Variants in BIN1 observed in about 807,000 individuals in gnomAD.
BIN1 encodes the protein bridging integrator 1, also known as myc box-dependent-interacting protein 1.
A neutral mutation model predicts 82.0 loss-of-function variants in BIN1; 53 were observed. That is an observed-to-expected ratio of 0.65 (90% CI 0.52 to 0.81). The LOEUF (loss-of-function observed/expected upper bound fraction) is 0.81. Ranked by LOEUF, BIN1 falls within the 40% of genes least tolerant of loss-of-function variation. The pLI is 0.00. For missense variants in BIN1, 642 were observed against 784.4 expected (o/e 0.82, Z 2.17); for synonymous variants, 302 against 328.0 (o/e 0.92, Z 0.86).
At chr2:127,076,316 G>A (rs991385787) in intron 2 of BIN1, among the ~76,000 whole-genome samples, 16 of 151,988 alleles carry the variant, frequency 1.1e-4, no homozygotes, top group African/African-American at 3.9e-4. Context: ...ACTTGCCCCT[G>A]ACATGCAAAG....
intron 12 of BIN1, chr2:127,054,264 C>T (rs776232508): frequency 1.1e-5 from 6 of 535,778 alleles, no homozygotes; most frequent in Middle Eastern, 5.0e-4. Context: ...ACCAGGAGGA[C>T]GACCCCAGTG....
At chr2:127,052,882 G>A (rs138735573) in intron 14 of BIN1, 1 of 243,992 alleles carries the variant, frequency 4.1e-6, no homozygotes, top group African/African-American at 2.2e-5. Flanking sequence ...GCTATCAGGT[G>A]ACAGTGACAT....
chr2:127,072,298 C>T (rs180937337), intron 2 of BIN1, among the ~76,000 whole-genome samples: 17 of 152,358 alleles, frequency 1.1e-4, no homozygotes, highest in East Asian at 5.8e-4. Flanking sequence ...TGTCCTTAGC[C>T]GGGGCTGCTC....
chr2:127,070,719 C>G, intron 3 of BIN1, 43 bp downstream of exon 3: 1 of 1,588,802 alleles, frequency 6.3e-7, no homozygotes, highest in Admixed American at 1.8e-5. Context: ...GCTCTGCACC[C>G]ACCAGCTCTA....
At position 127,090,741 on chromosome 2, in the gene BIN1, G is replaced by T. The variant is rs1034115539; in HGVS notation, c.85-14035C>A. On this transcript the variant is annotated intron_variant, in intron 1 of 18. Transcript: ENST00000316724. This position sits in a 1 kb window ranked among gnomAD's most constrained non-coding sequence, Gnocchi z 6.4. ...AGCAGCCAGGGCAGGGGAGGGGGAA[G>T]GTCTGGCCAGCACCCACCTGCCTTG... Among the ~76,000 whole-genome samples the T allele has an allele frequency of 2.6e-5, 4 of 152,194 alleles. No individual in the cohort carries two copies. Among genetic ancestry groups the T allele is most frequent in the Non-Finnish European group, 1.5e-5 (1 of 68,022 alleles).
rs554703626 is a variant in BIN1, at chr2:127,100,057, G to C, written c.84+6803C>G. On this transcript the variant is annotated intron_variant, in intron 1 of 18. Coordinates refer to ENST00000316724, the MANE Select transcript of BIN1 (RefSeq NM_139343.3). ...GACTTCAGGGGATCCACCCGTCTCG[G>C]CCTCCCAAAGTGCTGGGGATTACAG... 3.9e-5 allele frequency among the ~76,000 whole-genome samples: 6 copies of C among 152,330 alleles called. No individual in the cohort carries two copies. The South Asian group carries it at 1.2e-3, about 32-fold the overall frequency.
chr2:127,073,568 A>G (rs557760730), intron 2 of BIN1, among the ~76,000 whole-genome samples: 7 of 152,220 alleles, frequency 4.6e-5, no homozygotes, highest in African/African-American at 1.4e-4. Flanking sequence ...CTGAGCACCC[A>G]AGTCCCTGTG....
intron 12 of BIN1, 126 bp from the exon 13 acceptor site, chr2:127,054,138 A>T: frequency 1.3e-6 from 1 of 773,398 alleles, no homozygotes; most frequent in Non-Finnish European, 2.3e-6. Context: ...CCACGCATGC[A>T]GAGCAAGCGC....
intron 1 of BIN1, among the ~76,000 whole-genome samples, chr2:127,081,654 G>A (rs1687304036): frequency 6.6e-6 from 1 of 152,176 alleles, no homozygotes; most frequent in African/African-American, 2.4e-5. Flanking sequence ...CCAGGGCCAG[G>A]CAGAAAGCTA....
chr2:127,052,136 T>A, intron 15 of BIN1, 119 bp downstream of exon 15: 2 of 1,098,742 alleles, frequency 1.8e-6, no homozygotes, highest in Middle Eastern at 5.1e-4. Flanking sequence ...GACCCTGTCC[T>A]CACCCTCACA....
intron 1 of BIN1, among the ~76,000 whole-genome samples, chr2:127,081,204 CTTGT>C (rs1687254924): frequency 6.6e-6 from 1 of 152,218 alleles, no homozygotes; most frequent in African/African-American, 2.4e-5. Flanking sequence ...CCAGGCCTGT[CTTGT>C]TTGAGCCAGG....
chr2:127,054,415 G>T, intron 12 of BIN1: 1 of 276,116 alleles, frequency 3.6e-6, no homozygotes, highest in Non-Finnish European at 7.1e-6. Context: ...TCCGCTCCCT[G>T]CGCCAAGAGT....
intron 1 of BIN1, among the ~76,000 whole-genome samples, chr2:127,099,149 G>C (rs1679971179): frequency 6.6e-6 from 1 of 152,222 alleles, no homozygotes; most frequent in South Asian, 2.1e-4. Context: ...GCCTCTGCCA[G>C]CCATCAGTGC....
intron 1 of BIN1, among the ~76,000 whole-genome samples, chr2:127,098,374 G>A (rs1679870022): frequency 6.6e-6 from 1 of 152,132 alleles, no homozygotes; most frequent in Non-Finnish European, 1.5e-5. Flanking sequence ...TAACAATCCG[G>A]GCTCAGCCAC....
At chr2:127,083,899 G>A (rs1009577790) in intron 1 of BIN1, among the ~76,000 whole-genome samples, 3 of 152,186 alleles carry the variant, frequency 2.0e-5, no homozygotes, top group African/African-American at 7.2e-5. Context: ...GCAGAGGGAG[G>A]CTGAGCCTTC....
intron 1 of BIN1, among the ~76,000 whole-genome samples, chr2:127,091,740 T>A (rs1028076101): frequency 1.3e-4 from 20 of 152,156 alleles, no homozygotes; most frequent in African/African-American, 4.6e-4. Flanking sequence ...AAAAAATTTT[T>A]TTTTTAATTA....
intron 4 of BIN1, among the ~76,000 whole-genome samples, chr2:127,070,342 G>A (rs1466462204): frequency 6.6e-6 from 1 of 152,216 alleles, no homozygotes; most frequent in East Asian, 1.9e-4. Context: ...ACACAAATAA[G>A]GACGACCACG....
chr2:127,052,642 C>T, intron 14 of BIN1: 2 of 485,108 alleles, frequency 4.1e-6, no homozygotes, highest in Non-Finnish European at 7.4e-6. Flanking sequence ...CTGGCTCTTT[C>T]TGGCTTCCTC....
At chr2:127,085,985 C>G (rs1190290969) in intron 1 of BIN1, among the ~76,000 whole-genome samples, 1 of 152,226 alleles carries the variant, frequency 6.6e-6, no homozygotes, top group Non-Finnish European at 1.5e-5. Flanking sequence ...TTGAGGCCCC[C>G]ACATGTGCCC....
Sources: gnomAD v4.1 joint callset for allele counts (sites outside exome capture counted in the v4.1 genomes callset) on GRCh38, gnomAD v4.1.1 for gene constraint, Gnocchi (gnomAD v3.1) non-coding constraint, MANE v1.5 for transcripts, NCBI Gene and HGNC (gene_info 2026-07-23, HGNC 2026-07-21) for gene names.